The following CYSTM1 variants were observed in gnomAD, a reference collection of about 807,000 sequenced individuals.
CYSTM1 encodes the protein cysteine-rich transmembrane module-containing protein 1.
A neutral mutation model predicts 13.1 loss-of-function variants in CYSTM1; 4 were observed. The ratio of observed to expected loss-of-function variants is 0.31; its 90% CI spans 0.15 to 0.70. The LOEUF (loss-of-function observed/expected upper bound fraction) is 0.70. CYSTM1 is among the 30% of genes least tolerant of loss of function. The pLI, the probability that CYSTM1 is intolerant of heterozygous loss-of-function variation, is 0.72. For missense variants in CYSTM1, 96 were observed against 121.6 expected (o/e 0.79, Z 0.99); for synonymous variants, 36 against 42.7 (o/e 0.84, Z 0.62).
chr5:140,207,304 C>T (rs1282673584), intron 2 of CYSTM1, among the ~76,000 whole-genome samples: 3 of 152,200 alleles, frequency 2.0e-5, no homozygotes, highest in African/African-American at 4.8e-5. Flanking sequence ...AGAGCTCAAA[C>T]ATCAGCTATC....
chr5:140,202,778 G>A (rs1764248549), intron 2 of CYSTM1: 1 of 152,146 alleles, frequency 6.6e-6, no homozygotes, highest in Non-Finnish European at 1.5e-5. Flanking sequence ...CCAACTGCTG[G>A]GAGGGGTCAG....
intron 1 of CYSTM1, among the ~76,000 whole-genome samples, chr5:140,185,321 A>G (rs550868844): frequency 3.3e-5 from 5 of 152,338 alleles, no homozygotes; most frequent in Admixed American, 1.3e-4. Context: ...TAGAGGGGCT[A>G]TTGTGAAGCC....
chr5:140,210,531 T>G (rs4475290), intron 2 of CYSTM1, among the ~76,000 whole-genome samples: 50 of 143,898 alleles, frequency 3.5e-4, no homozygotes, highest in Non-Finnish European at 4.7e-4. Context: ...TTTTTTTTTT[T>G]GAAATAGGGT....
chr5:140,188,258 G>A (rs952169939), intron 1 of CYSTM1, among the ~76,000 whole-genome samples: 5 of 151,494 alleles, frequency 3.3e-5, no homozygotes, highest in African/African-American at 4.9e-5. Flanking sequence ...GGGGGAAGGG[G>A]GGAGGGTAGA....
rs950544874 is a variant in CYSTM1, at chr5:140,230,831, A to G, written c.188-12474A>G. ...GATTTGTCATATACCACGTTCCCATATACGAATTAGAATATGAGCTAGAAT... is the reference window on the plus strand; with the variant it reads ...GATTTGTCATATACCACGTTCCCATGTACGAATTAGAATATGAGCTAGAAT... On this transcript the variant is annotated intron_variant, in intron 2 of 2. Transcript: ENST00000261811. This position sits in a 1 kb window ranked among gnomAD's most constrained non-coding sequence, Gnocchi z 4.1. 2.6e-5 allele frequency among the ~76,000 whole-genome samples: 4 copies of G among 152,204 alleles called. No homozygotes were observed. Among genetic ancestry groups the G allele is most frequent in the African/African-American group, 9.7e-5 (4 of 41,444 alleles).
rs73254734 is a variant in CYSTM1, at chr5:140,188,019, A to G, written c.-20-6427A>G. Among the ~76,000 whole-genome samples, 1,437 of 152,242 alleles carry G rather than the reference A, an allele frequency of 9.4e-3. 18 individuals are homozygous for G. Among genetic ancestry groups the G allele is most frequent in the African/African-American group, 0.03 (1,260 of 41,526 alleles). On this transcript the variant is annotated intron_variant, in intron 1 of 2. Transcript: ENST00000261811. Reference sequence around the variant, plus strand: ...TGAGAAGGCAAATTGGTATATCAGAAGTGAATAGGAGGTTTAAAGTGGCAT... The same window carrying G: ...TGAGAAGGCAAATTGGTATATCAGAGGTGAATAGGAGGTTTAAAGTGGCAT...
chr5:140,180,346 A>G (rs1221596396), intron 1 of CYSTM1, among the ~76,000 whole-genome samples: 1 of 152,172 alleles, frequency 6.6e-6, no homozygotes, highest in Non-Finnish European at 1.5e-5. Flanking sequence ...GGCCAGGTCA[A>G]GCTCTCTCTC....
At chr5:140,187,914 A>T (rs1188410492) in intron 1 of CYSTM1, among the ~76,000 whole-genome samples, 1 of 152,152 alleles carries the variant, frequency 6.6e-6, no homozygotes, top group Non-Finnish European at 1.5e-5. Flanking sequence ...GAAAAAAAAA[A>T]ATTGCAACTA....
intron 2 of CYSTM1, among the ~76,000 whole-genome samples, chr5:140,223,626 A>T (rs1264684898): frequency 6.6e-6 from 1 of 152,264 alleles, no homozygotes; most frequent in African/African-American, 2.4e-5. Context: ...GCCAGACAGT[A>T]GATCAGATCC....
intron 1 of CYSTM1, among the ~76,000 whole-genome samples, chr5:140,178,441 C>CTGTTTT: frequency 1.9e-5 from 1 of 52,666 alleles, no homozygotes; most frequent in Admixed American, 2.8e-4. Context: ...CAAGTCCTTC[C>CTGTTTT]TTTTTTTTTT....
intron 1 of CYSTM1, among the ~76,000 whole-genome samples, chr5:140,178,023 A>G (rs1763912741): frequency 1.3e-5 from 2 of 152,202 alleles, no homozygotes; most frequent in African/African-American, 4.8e-5. Flanking sequence ...TCTCATTGGT[A>G]GAGAACTTAA....
intron 2 of CYSTM1, among the ~76,000 whole-genome samples, chr5:140,232,846 G>T (rs1024469287): frequency 6.6e-6 from 1 of 152,208 alleles, no homozygotes; most frequent in African/African-American, 2.4e-5. Context: ...TAGACATCAA[G>T]TAAGGGAGTC....
chr5:140,226,504 A>ATATATTTATATATATAT (rs1561816353), intron 2 of CYSTM1, among the ~76,000 whole-genome samples: 2 of 81,318 alleles, frequency 2.5e-5, no homozygotes, highest in African/African-American at 8.3e-5. Context: ...TAATATATAT[A>ATATATTTATATATATAT]AATATATATT....
intron 1 of CYSTM1, among the ~76,000 whole-genome samples, chr5:140,189,470 C>A (rs1212999057): frequency 6.6e-6 from 1 of 152,136 alleles, no homozygotes; most frequent in Non-Finnish European, 1.5e-5. Flanking sequence ...CCAAAATAAA[C>A]CTCTTTTATT....
chr5:140,240,136 C>T lies in CYSTM1; in HGVS notation c.188-3169C>T, dbSNP rs1337298541. On this transcript the variant is annotated intron_variant, in intron 2 of 2. Coordinates refer to ENST00000261811, the MANE Select transcript of CYSTM1 (RefSeq NM_032412.4). ...CAGGTTGGGCACTGACTGCTACCAA[C>T]GTGCCCAGAAAGGTGGTGCCTGTTA... 7.9e-5 allele frequency among the ~76,000 whole-genome samples: 12 copies of T among 152,064 alleles called. 1 individual carries two copies. The highest frequency in any genetic ancestry group is 1.9e-4 in the East Asian group (1 of 5,166).
intron 2 of CYSTM1, among the ~76,000 whole-genome samples, chr5:140,243,102 G>C (rs138817521): frequency 1.8e-4 from 27 of 152,324 alleles, no homozygotes; most frequent in African/African-American, 6.3e-4. Flanking sequence ...GGCGTCCTGA[G>C]TCTGGAGTGG....
chr5:140,195,443 T>C (rs1340631053), intron 2 of CYSTM1, among the ~76,000 whole-genome samples: 2 of 146,364 alleles, frequency 1.4e-5, no homozygotes, highest in African/African-American at 5.0e-5. Context: ...TTTCAGCTTT[T>C]TTTTTTTTTT....
chr5:140,238,830 G>A (rs1420872752), intron 2 of CYSTM1, among the ~76,000 whole-genome samples: 1 of 152,234 alleles, frequency 6.6e-6, no homozygotes, highest in Non-Finnish European at 1.5e-5. Context: ...CGGTCTAGAT[G>A]CCCAATGCGG....
chr5:140,199,983 A>C (rs1007877545), intron 2 of CYSTM1, among the ~76,000 whole-genome samples: 2 of 151,860 alleles, frequency 1.3e-5, no homozygotes, highest in African/African-American at 4.8e-5. Flanking sequence ...TTTTCTCATA[A>C]ATTTGTTTAA....
Sources: gnomAD v4.1 joint callset for allele counts (sites outside exome capture counted in the v4.1 genomes callset) on GRCh38, gnomAD v4.1.1 for gene constraint, Gnocchi (gnomAD v3.1) non-coding constraint, MANE v1.5 for transcripts, NCBI Gene and HGNC (gene_info 2026-07-23, HGNC 2026-07-21) for gene names.